Variants in LRWD1 observed in about 807,000 individuals in gnomAD.
LRWD1 encodes leucine rich repeats and WD repeat domain containing 1.
LRWD1 carries 76 observed loss-of-function variants against 75.6 expected under a neutral mutation model. That is an observed-to-expected ratio of 1.01 (90% CI 0.84 to 1.22). LRWD1 has a LOEUF of 1.22. Among genes scored for constraint, LRWD1 ranks in the 50% most tolerant of loss-of-function variants. The pLI is 0.00. For missense variants in LRWD1, 917 were observed against 862.0 expected (o/e 1.06, Z -0.80); for synonymous variants, 487 against 377.0 (o/e 1.29, Z -3.38).
At position 102,469,037 on chromosome 7, in the gene LRWD1, C is replaced by T; in HGVS notation, c.1203C>T (p.Ser401=). ...HKKAIATLCF[S]PAHETHLFTA... ...AGGCCATCGCCACCCTGTGCTTCAG[C>T]CCCGCCCACGAGACCCATCTCTTCA... is the stretch of plus-strand genomic sequence containing the variant. Residue 401 remains serine, a synonymous_variant, in exon 9 of 15, where the codon AGC becomes AGT. Transcript: ENST00000292616. 1.2e-6 allele frequency: 2 copies of T among 1,609,910 alleles called. No homozygotes were observed. The highest frequency in any genetic ancestry group is 1.7e-6 in the Non-Finnish European group (2 of 1,178,462).
chr7:102,472,121 G>C (rs1798210924), intron 11 of LRWD1, 97 bp from the exon 12 acceptor site: 1 of 1,101,916 alleles, frequency 9.1e-7, no homozygotes, highest in African/African-American at 1.6e-5. Flanking sequence ...CTTCACACAG[G>C]GCAGGGTCCC....
chr7:102,472,010 A>G (rs574114409), intron 11 of LRWD1: 32 of 560,842 alleles, frequency 5.7e-5, no homozygotes, highest in Non-Finnish European at 9.1e-5. Context: ...CTGGGTCACT[A>G]CTGTGACTCG....
rs1563655370 is a variant in LRWD1, at chr7:102,468,322, C to T, written c.864C>T (p.Pro288=). 6.2e-7 allele frequency: 1 copy of T among 1,612,758 alleles called. No individual in the cohort carries two copies. Among genetic ancestry groups the T allele is most frequent in the South Asian group, 1.1e-5 (1 of 90,740 alleles). Residue 288 remains proline (P), a synonymous_variant, in exon 7 of 15, where the codon CCC becomes CCT. Coordinates refer to ENST00000292616, the MANE Select transcript of LRWD1 (RefSeq NM_152892.3). ...FLQCHSKNNS[P]QDLETQLWAC... ...AGTGCCACAGCAAGAACAACAGCCC[C>T]CAGGACCTCGAGACCCAGCTGTGGG...
At chr7:102,471,747 T>C (rs1563658128) in intron 11 of LRWD1, 2 of 178,970 alleles carry the variant, frequency 1.1e-5, no homozygotes, top group Non-Finnish European at 2.3e-5. Flanking sequence ...CATTCCCCCA[T>C]TCCCCCGTCT....
chr7:102,471,580 C>T (rs149509649), intron 11 of LRWD1: 103 of 155,982 alleles, frequency 6.6e-4, no homozygotes, highest in African/African-American at 2.2e-3. Flanking sequence ...CTTCTCTTAC[C>T]CTCTGCCCAA....
At chr7:102,472,129 C>A in intron 11 of LRWD1, 89 bp from the exon 12 acceptor site, 1 of 1,177,196 alleles carries the variant, frequency 8.5e-7, no homozygotes. Flanking sequence ...AGGGCAGGGT[C>A]CCCAGCAGGT....
At position 102,469,055 on chromosome 7, in the gene LRWD1, T is replaced by G. The variant is rs1179162564; in HGVS notation, c.1221T>G (p.His407Gln). Residue 407 changes from histidine (H) to glutamine (Q), a missense_variant, in exon 9 of 15, where the codon CAT (histidine) becomes CAG (glutamine). By Grantham distance (24) the His-to-Gln change is conservative. Coordinates refer to ENST00000292616, the MANE Select transcript of LRWD1 (RefSeq NM_152892.3). ...GCTTCAGCCCCGCCCACGAGACCCA[T>G]CTCTTCAGTAAGCCCCTCCCCTTCA... ...TLCFSPAHET[H>Q]LFTASYDKRI... 3.7e-6 allele frequency: 6 copies of G among 1,602,784 alleles called. No homozygotes were observed. The highest frequency in any genetic ancestry group is 2.2e-5 in the South Asian group (2 of 90,070).
chr7:102,468,033 G>A (rs2133266837), intron 5 of LRWD1, 29 bp from the exon 6 acceptor site: 2 of 1,600,342 alleles, frequency 1.2e-6, no homozygotes, highest in Admixed American at 3.4e-5. Flanking sequence ...CAGGCAGACA[G>A]GCCCATGGTC....
chr7:102,470,107 C>T, intron 11 of LRWD1: 1 of 545,688 alleles, frequency 1.8e-6, no homozygotes, highest in South Asian at 3.0e-5. Context: ...CCATGATGAC[C>T]TCCCCTTCAC....
At chr7:102,471,907 T>C in intron 11 of LRWD1, 1 of 343,382 alleles carries the variant, frequency 2.9e-6, no homozygotes, top group Non-Finnish European at 5.6e-6. Flanking sequence ...CCCCTGTTCA[T>C]CTCACACTCG....
intron 3 of LRWD1, among the ~76,000 whole-genome samples, chr7:102,466,647 G>A (rs762453795): frequency 6.6e-5 from 10 of 151,810 alleles, no homozygotes; most frequent in East Asian, 1.9e-4. Flanking sequence ...CAAACTCCTG[G>A]CCTTAGGTGA....
chr7:102,467,171 G>GT (rs1554579596), intron 3 of LRWD1, among the ~76,000 whole-genome samples, 168 bp from the exon 4 acceptor site: 1 of 99,148 alleles, frequency 1.0e-5, no homozygotes, highest in East Asian at 3.2e-4. Flanking sequence ...GTGTGTGTGG[G>GT]GTGTGTGTGT....
rs1798103970 is a variant in LRWD1 at position 102,469,039 on chromosome 7, C to T, written c.1205C>T (p.Pro402Leu). The T allele has an allele frequency of 6.2e-7, 1 of 1,609,558 alleles. No individual in the cohort carries two copies. Among genetic ancestry groups the T allele is most frequent in the Non-Finnish European group, 8.5e-7 (1 of 1,178,274 alleles). The change falls in exon 9 of 15, where the codon CCC becomes CTC. Residue 402 changes from proline (P) to leucine (L), a missense_variant. Coordinates refer to ENST00000292616, the MANE Select transcript of LRWD1 (RefSeq NM_152892.3). ...GCCATCGCCACCCTGTGCTTCAGCC[C>T]CGCCCACGAGACCCATCTCTTCAGT... ...KKAIATLCFS[P>L]AHETHLFTAS...
intron 12 of LRWD1, 54 bp downstream of exon 12, chr7:102,472,363 G>A (rs528446534): frequency 7.5e-5 from 117 of 1,551,784 alleles, no homozygotes; most frequent in South Asian, 3.6e-5. Flanking sequence ...CAGATGGACC[G>A]CTTGTCCCTG....
intron 3 of LRWD1, among the ~76,000 whole-genome samples, chr7:102,467,115 TGG>T (rs1391801859): frequency 1.6e-5 from 1 of 62,074 alleles, no homozygotes; most frequent in African/African-American, 4.9e-5. Context: ...GGGTTGTTGC[TGG>T]GGTGTGTGTG....
At position 102,466,053 on chromosome 7, in the gene LRWD1, T is replaced by C. The variant is rs1007269255; in HGVS notation, c.315+2T>C. ...CTGGAGGGCAACCCCTTCCTGACGG[T>C]AAGTGGGAGCCTCCCACCAGCTTCA... On this transcript the variant is annotated splice_donor_variant, in intron 2 of 14. Transcript: ENST00000292616. LOFTEE classifies it high-confidence loss of function. 2.5e-6 allele frequency: 4 copies of C among 1,613,830 alleles called. No individual in the cohort carries two copies. Among genetic ancestry groups the C allele is most frequent in the South Asian group, 1.1e-5 (1 of 91,070 alleles).
intron 3 of LRWD1, among the ~76,000 whole-genome samples, 168 bp from the exon 4 acceptor site, chr7:102,467,171 G>GTGTGTGTGTATGTGTGTGTGTGTGTGTAT (rs1554579596): frequency 1.0e-5 from 1 of 99,116 alleles, no homozygotes; most frequent in Admixed American, 1.1e-4. Context: ...GTGTGTGTGG[G>GTGTGTGTGTATGTGTGTGTGTGTGTGTAT]GTGTGTGTGT....
At chr7:102,469,198 A>C in intron 9 of LRWD1, 136 bp downstream of exon 9, 1 of 763,838 alleles carries the variant, frequency 1.3e-6, no homozygotes, top group Non-Finnish European at 2.1e-6. Flanking sequence ...CTCCGACTCT[A>C]GCTTTGGCAG....
chr7:102,465,666 C>T (rs549999146), intron 1 of LRWD1, 151 bp from the exon 2 acceptor site: 34 of 632,512 alleles, frequency 5.4e-5, no homozygotes, highest in African/African-American at 5.3e-4. Flanking sequence ...AGTGACACCC[C>T]GTCTCTAAAA....
Sources: allele counts gnomAD v4.1 joint callset (sites outside exome capture counted in the v4.1 genomes callset), GRCh38; gene constraint gnomAD v4.1.1; transcripts MANE v1.5; gene names NCBI Gene and HGNC (gene_info 2026-07-23, HGNC 2026-07-21).